Variants in HTRA3 observed in about 807,000 individuals in gnomAD.
HTRA3 encodes HtrA serine peptidase 3, also known as serine protease HTRA3.
In HTRA3, 41 loss-of-function variants were observed where a neutral mutation model predicts 43.2. The observed-to-expected ratio is 0.95, with a 90% confidence interval of 0.74 to 1.23. HTRA3 has a LOEUF of 1.23. Ranked by LOEUF, HTRA3 falls within the 50% of genes most tolerant of loss-of-function variation. The pLI is 0.00. For synonymous variants in HTRA3, 295 were observed against 287.9 expected (o/e 1.02, Z -0.25); for missense variants, 628 against 647.1 (o/e 0.97, Z 0.32).
rs941397029 is a variant in HTRA3 at position 8,279,169 on chromosome 4, C to T, written c.386-3268C>T. ...CTTTGGAGACTCTGTGGGAAACAGG[C>T]CACCTCCCAGCCCAGCCCCACGGCC... On this transcript the variant is annotated intron_variant, in intron 1 of 8. Coordinates refer to ENST00000307358, the MANE Select transcript of HTRA3 (RefSeq NM_053044.5). The surrounding 1 kb of genome is among the most constrained non-coding windows in gnomAD (Gnocchi z 7.4). Among the ~76,000 whole-genome samples the T allele has an allele frequency of 1.3e-5, 2 of 152,154 alleles. No individual in the cohort carries two copies. The highest frequency in any genetic ancestry group is 2.9e-5 in the Non-Finnish European group (2 of 68,046).
rs184090333 is a variant in HTRA3 at position 8,297,580 on chromosome 4, G to A, written c.1051+3379G>A. On this transcript the variant is annotated intron_variant, in intron 6 of 8. Transcript: ENST00000307358. This position sits in a 1 kb window ranked among gnomAD's most constrained non-coding sequence, Gnocchi z 5.8. ...GCCTCGAGGGTGAGGGCTGCATGACGGGGCAGGAGACCTCTCTGAGGAGGT... is the reference window on the plus strand; with the variant it reads ...GCCTCGAGGGTGAGGGCTGCATGACAGGGCAGGAGACCTCTCTGAGGAGGT... 2.1e-3 allele frequency among the ~76,000 whole-genome samples: 318 copies of A among 152,182 alleles called. No individual in the cohort carries two copies. Among genetic ancestry groups the A allele is most frequent in the African/African-American group, 7.3e-3 (302 of 41,530 alleles).
rs1712645868 is a variant in HTRA3 at position 8,279,195 on chromosome 4, C to T, written c.386-3242C>T. Among the ~76,000 whole-genome samples the T allele has an allele frequency of 6.6e-6, 1 of 152,204 alleles. No individual in the cohort carries two copies. The highest frequency in any genetic ancestry group is 2.4e-5 in the African/African-American group (1 of 41,444). ...CACCTCCCAGCCCAGCCCCACGGCC[C>T]TTCTGTCTCAGGCCTTGCTCTCCCT... On this transcript the variant is annotated intron_variant, in intron 1 of 8. Coordinates refer to ENST00000307358, the MANE Select transcript of HTRA3 (RefSeq NM_053044.5). The surrounding 1 kb of genome is among the most constrained non-coding windows in gnomAD (Gnocchi z 7.4).
At position 8,292,332 on chromosome 4, in the gene HTRA3, C is replaced by T. The variant is rs753538326; in HGVS notation, c.915C>T (p.Ser305=). 17 of 1,613,008 alleles carry T rather than the reference C, an allele frequency of 1.1e-5. No homozygotes were observed. The East Asian group carries it at 1.6e-4, about 15-fold the overall frequency. The change falls in exon 5 of 9, where the codon TCC becomes TCT. Residue 305 remains serine, a synonymous_variant. Transcript: ENST00000307358. ...QTDAIINYGN[S]GGPLVNLDGE... is the part of the protein sequence containing the mutation. ...TCCTCCCCTTGCAGTACGGGAACTC[C>T]GGGGGACCACTGGTGAACCTGGTAA...
intron 1 of HTRA3, among the ~76,000 whole-genome samples, chr4:8,272,502 T>C (rs1441084704): frequency 6.6e-6 from 1 of 152,174 alleles, no homozygotes; most frequent in African/African-American, 2.4e-5. Flanking sequence ...ACCGTGAGTT[T>C]CCTCAAATGA....
At chr4:8,302,016 C>T (rs1218971051) in intron 6 of HTRA3, among the ~76,000 whole-genome samples, 3 of 152,156 alleles carry the variant, frequency 2.0e-5, no homozygotes, top group Non-Finnish European at 4.4e-5. Flanking sequence ...GGGCCTGGCA[C>T]ATGGTTAGTA....
chr4:8,294,098 C>T lies in HTRA3; in HGVS notation c.948C>T (p.Val316=). The change falls in exon 6 of 9, where the codon GTC becomes GTT. Residue 316 remains valine (V), a synonymous_variant. Coordinates refer to ENST00000307358, the MANE Select transcript of HTRA3 (RefSeq NM_053044.5). The part of the protein sequence containing the change: ...GGPLVNLDGE[V]IGINTLKVTA... ...ACCTCCCTGCCCAGGATGGCGAGGT[C>T]ATTGGCATCAACACGCTCAAGGTCA... is the stretch of plus-strand genomic sequence containing the variant. 1 of 1,610,118 alleles carries T rather than the reference C, an allele frequency of 6.2e-7. No individual in the cohort carries two copies. The highest frequency in any genetic ancestry group is 8.5e-7 in the Non-Finnish European group (1 of 1,178,016).
At chr4:8,298,689 G>A (rs376429231) in intron 6 of HTRA3, among the ~76,000 whole-genome samples, 2 of 152,342 alleles carry the variant, frequency 1.3e-5, no homozygotes, top group East Asian at 3.8e-4. Context: ...ATAGTGCAAA[G>A]TATAGATCGA....
intron 2 of HTRA3, among the ~76,000 whole-genome samples, chr4:8,283,258 C>T (rs1265514322): frequency 6.6e-6 from 1 of 152,152 alleles, no homozygotes; most frequent in African/African-American, 2.4e-5. Flanking sequence ...AGCGGGATGT[C>T]CCAGCCCCGT....
At chr4:8,285,819 C>T (rs193282933) in intron 2 of HTRA3, among the ~76,000 whole-genome samples, 27 of 152,346 alleles carry the variant, frequency 1.8e-4, no homozygotes, top group African/African-American at 4.8e-4. Context: ...CCCCTGCCCT[C>T]GGGGTGTCCA....
intron 5 of HTRA3, among the ~76,000 whole-genome samples, chr4:8,293,369 C>T (rs763715760): frequency 2.0e-5 from 3 of 152,186 alleles, no homozygotes; most frequent in Non-Finnish European, 4.4e-5. Flanking sequence ...ATCTCACACT[C>T]GGATGCTCTT....
Position 8,282,448 on chromosome 4 carries a change from C to T in HTRA3, c.397C>T (p.Leu133=), listed in dbSNP as rs764767458. 4.3e-6 allele frequency: 7 copies of T among 1,613,502 alleles called. No homozygotes were observed. Among genetic ancestry groups the T allele is most frequent in the Non-Finnish European group, 5.9e-6 (7 of 1,179,746 alleles). Residue 133 remains leucine, a synonymous_variant, in exon 2 of 9, where the codon CTG becomes TTG. Coordinates refer to ENST00000307358, the MANE Select transcript of HTRA3 (RefSeq NM_053044.5). ...KGACPLGLHQ[L]SSPRYKFNFI... is the part of the protein sequence containing the mutation. The stretch of plus-strand genomic sequence containing the variant: ...TCCCGCCAGCGCAGGTCTCCACCAG[C>T]TGAGCAGCCCGCGCTACAAGTTCAA...
At chr4:8,301,985 G>A (rs759141051) in intron 6 of HTRA3, among the ~76,000 whole-genome samples, 5 of 152,192 alleles carry the variant, frequency 3.3e-5, no homozygotes, top group Admixed American at 1.3e-4. Flanking sequence ...AGTGAGTTGC[G>A]TGTGCAGTGC....
intron 8 of HTRA3, 67 bp downstream of exon 8, chr4:8,304,346 C>G: frequency 2.3e-6 from 3 of 1,280,894 alleles, no homozygotes; most frequent in Non-Finnish European, 3.4e-6. Context: ...GGGGCTGCCC[C>G]ACTGACCTCA....
intron 1 of HTRA3, 131 bp from the exon 2 acceptor site, chr4:8,282,306 G>T (rs1486558571): frequency 4.2e-6 from 3 of 714,546 alleles, no homozygotes; most frequent in African/African-American, 1.7e-5. Flanking sequence ...CTCAGTGTGG[G>T]CTGAGGCTGG....
At position 8,286,807 on chromosome 4, in the gene HTRA3, C is replaced by T. The variant is rs150867011; in HGVS notation, c.708+24C>T. The T allele has an allele frequency of 9.3e-4, 1,452 of 1,566,448 alleles. 12 individuals are homozygous for T. In the African/African-American group the frequency reaches 0.012, roughly 13 times the overall value. On this transcript the variant is annotated intron_variant, in intron 3 of 8. Transcript: ENST00000307358. The surrounding 1 kb of genome is among the most constrained non-coding windows in gnomAD (Gnocchi z 4.9). ...AGGTGGGTGGGCGTGGGTGGAGGGGCGGAAGCACCTGGGGCTGGGCATGGT... is the reference window on the plus strand; with the variant it reads ...AGGTGGGTGGGCGTGGGTGGAGGGGTGGAAGCACCTGGGGCTGGGCATGGT...
chr4:8,290,830 T>C (rs4696792), intron 3 of HTRA3, among the ~76,000 whole-genome samples: 100,026 of 152,060 alleles, frequency 0.66, 34,390 homozygotes, highest in African/African-American at 0.86. Flanking sequence ...CGGCGTGGGG[T>C]GGAGCTCGGC....
chr4:8,271,795 C>G (rs768486824), intron 1 of HTRA3, among the ~76,000 whole-genome samples: 35 of 152,176 alleles, frequency 2.3e-4, no homozygotes, highest in African/African-American at 8.0e-4. Flanking sequence ...AAGGAGGAAC[C>G]CTTGTGACCT....
In HTRA3 at chr4:8,307,030, A is replaced by G. The variant is rs139498287; in HGVS notation, c.*894A>G. On this transcript the variant is annotated 3_prime_UTR_variant, in exon 9 of 9. Transcript: ENST00000307358. The surrounding 1 kb of genome is among the most constrained non-coding windows in gnomAD (Gnocchi z 6.1). ...AAGGGGCATTTGTGAGCTTTGCTGTAAATGGATTCCCAGTGTTGCTTGTAC... is the reference window on the plus strand; with the variant it reads ...AAGGGGCATTTGTGAGCTTTGCTGTGAATGGATTCCCAGTGTTGCTTGTAC... 93 of 152,800 alleles carry G rather than the reference A, an allele frequency of 6.1e-4. No individual in the cohort carries two copies. Among genetic ancestry groups the G allele is most frequent in the African/African-American group, 2.1e-3 (88 of 41,564 alleles). The allele number at this position is 152,800 out of a possible 1,614,324, so 9.5% of individuals were successfully genotyped here.
In HTRA3 at chr4:8,286,580, A is replaced by G; in HGVS notation, c.505A>G (p.Asn169Asp). Reference protein sequence around the residue: ...LFLRHPLFGRNVPLSSGSGFI... With the variant: ...LFLRHPLFGRDVPLSSGSGFI... ...CTGCAGACACCCGCTGTTTGGCCGC[A>G]ACGTGCCCCTGTCCAGCGGTTCTGG... Residue 169 changes from asparagine (N) to aspartate (D), a missense_variant, in exon 3 of 9, where the codon AAC (asparagine) becomes GAC (aspartate). Physicochemically the swap from Asn to Asp is conservative, Grantham distance 23. Coordinates refer to ENST00000307358, the MANE Select transcript of HTRA3 (RefSeq NM_053044.5). This position sits in a 1 kb window ranked among gnomAD's most constrained non-coding sequence, Gnocchi z 4.9. The G allele has an allele frequency of 6.2e-7, 1 of 1,613,790 alleles. No homozygotes were observed. Among genetic ancestry groups the G allele is most frequent in the South Asian group, 1.1e-5 (1 of 91,060 alleles).
Sources: gnomAD v4.1 joint callset for allele counts (sites outside exome capture counted in the v4.1 genomes callset) on GRCh38, gnomAD v4.1.1 for gene constraint, Gnocchi (gnomAD v3.1) non-coding constraint, MANE v1.5 for transcripts, NCBI Gene and HGNC (gene_info 2026-07-23, HGNC 2026-07-21) for gene names.